The following RBMS3 variants were observed in gnomAD, a reference collection of about 807,000 sequenced individuals.
RBMS3 encodes the protein RNA-binding motif, single-stranded-interacting protein 3.
Under a neutral mutation model 66.8 loss-of-function variants are expected in RBMS3, and 27 were observed. The ratio of observed to expected loss-of-function variants is 0.40; its 90% CI spans 0.30 to 0.56. The LOEUF (loss-of-function observed/expected upper bound fraction) is 0.56, where lower values mean the gene tolerates loss of function less well. Ranked by LOEUF, RBMS3 falls within the 20% of genes least tolerant of loss-of-function variation. The pLI, the probability that RBMS3 is intolerant of heterozygous loss-of-function variation, is 0.40. For synonymous variants in RBMS3, 188 were observed against 183.0 expected (o/e 1.03, Z -0.22); for missense variants, 513 against 549.5 (o/e 0.93, Z 0.66).
At chr3:29,345,447 T>C (rs1300977397) in intron 1 of RBMS3, among the ~76,000 whole-genome samples, 2 of 152,074 alleles carry the variant, frequency 1.3e-5, no homozygotes, top group Non-Finnish European at 2.9e-5. Context: ...TTTCCCCCAC[T>C]CTTTGTCTCT....
intron 1 of RBMS3, among the ~76,000 whole-genome samples, chr3:29,325,672 ACATATG>A (rs2035294870): frequency 3.3e-5 from 5 of 151,832 alleles, no homozygotes; most frequent in Non-Finnish European, 7.4e-5. Context: ...ACATACACAC[ACATATG>A]TATAAATTTG....
At chr3:29,532,327 G>A (rs2045395184) in intron 3 of RBMS3, among the ~76,000 whole-genome samples, 1 of 138,038 alleles carries the variant, frequency 7.2e-6, no homozygotes, top group Admixed American at 7.6e-5. Context: ...TTTTTAAGTT[G>A]GTACGTCCTA....
At chr3:29,880,682 C>A in intron 7 of RBMS3, 3 of 1,177,736 alleles carry the variant, frequency 2.5e-6, no homozygotes, top group South Asian at 1.3e-5. Flanking sequence ...GGGTTAAGTT[C>A]AAACAACCCT....
At chr3:29,884,512 G>A (rs1577067220) in intron 8 of RBMS3, among the ~76,000 whole-genome samples, 1 of 127,310 alleles carries the variant, frequency 7.9e-6, no homozygotes, top group African/African-American at 3.1e-5. Flanking sequence ...TCTGTCTTTG[G>A]AGAACAGGTA....
At chr3:29,334,582 G>C (rs552028612) in intron 1 of RBMS3, among the ~76,000 whole-genome samples, 6 of 152,012 alleles carry the variant, frequency 3.9e-5, no homozygotes, top group Non-Finnish European at 8.8e-5. Context: ...AAAGATAAAA[G>C]TCTGACACAC....
At chr3:29,492,430 A>C (rs2043584397) in intron 3 of RBMS3, among the ~76,000 whole-genome samples, 1 of 152,172 alleles carries the variant, frequency 6.6e-6, no homozygotes, top group Admixed American at 6.5e-5. Flanking sequence ...GGTTCAAGGA[A>C]CTGATAAGAA....
At position 29,289,048 on chromosome 3, in the gene RBMS3, T is replaced by C. The variant is rs181382380; in HGVS notation, c.75+7292T>C. 2.0e-5 allele frequency among the ~76,000 whole-genome samples: 3 copies of C among 152,116 alleles called. No homozygotes were observed. In the East Asian group the frequency reaches 5.8e-4, roughly 30 times the overall value. On this transcript the variant is annotated intron_variant, in intron 1 of 14. Coordinates refer to ENST00000383767, the MANE Select transcript of RBMS3 (RefSeq NM_001003793.3). ...CATACATTATTTTCATATAACTTAG[T>C]CCATAAGTTCCTATTATGCTTGCTT...
chr3:29,696,924 C>A (rs1206579668), intron 4 of RBMS3: 2 of 981,598 alleles, frequency 2.0e-6, no homozygotes, highest in Admixed American at 6.2e-5. Context: ...TAAAATGTCT[C>A]CCCTGGTCGT....
intron 6 of RBMS3, among the ~76,000 whole-genome samples, chr3:29,840,208 T>C (rs2058627792): frequency 1.3e-5 from 2 of 152,048 alleles, no homozygotes; most frequent in Admixed American, 6.6e-5. Context: ...CTTATGATTA[T>C]CAAGAACACC....
chr3:29,698,624 T>C (rs548055926), intron 4 of RBMS3: 1 of 977,316 alleles, frequency 1.0e-6, no homozygotes, highest in African/African-American at 1.8e-5. Flanking sequence ...GACAAGTGAG[T>C]ACAATCATAT....
At chr3:29,455,792 A>G (rs1037037078) in intron 2 of RBMS3, among the ~76,000 whole-genome samples, 6 of 151,494 alleles carry the variant, frequency 4.0e-5, no homozygotes, top group Non-Finnish European at 5.9e-5. Context: ...CAGCAAAATC[A>G]CACACACGCA....
chr3:29,365,049 T>C (rs377764464), intron 1 of RBMS3, among the ~76,000 whole-genome samples: 1 of 152,136 alleles, frequency 6.6e-6, no homozygotes, highest in East Asian at 1.9e-4. Context: ...TGGAATATCG[T>C]ATAAAATTAT....
chr3:29,319,696 T>C (rs1241034168), intron 1 of RBMS3, among the ~76,000 whole-genome samples: 4 of 152,044 alleles, frequency 2.6e-5, no homozygotes, highest in East Asian at 3.9e-4. Flanking sequence ...TAACTTTAGT[T>C]GATCTGTTTC....
chr3:29,315,236 TTTTA>T (rs915879920), intron 1 of RBMS3, among the ~76,000 whole-genome samples: 2 of 151,800 alleles, frequency 1.3e-5, no homozygotes, highest in Non-Finnish European at 2.9e-5. Flanking sequence ...TTTGTCGTAG[TTTTA>T]TTTGTTTCTT....
rs148245733 is a variant in RBMS3, at chr3:29,438,357, T to C, written c.248+3442T>C. On this transcript the variant is annotated intron_variant, in intron 2 of 14. Coordinates refer to ENST00000383767, the MANE Select transcript of RBMS3 (RefSeq NM_001003793.3). The stretch of plus-strand genomic sequence containing the variant: ...ATACACAAAACAGCATATTGTCTTT[T>C]TTTAAAAAGGCATAGACATATTGGA... 2.3e-3 allele frequency among the ~76,000 whole-genome samples: 344 copies of C among 152,296 alleles called. 3 individuals carry two copies. Among genetic ancestry groups the C allele is most frequent in the African/African-American group, 8.0e-3 (334 of 41,570 alleles).
chr3:29,837,457 C>T (rs933595262), intron 6 of RBMS3, among the ~76,000 whole-genome samples: 4 of 151,126 alleles, frequency 2.6e-5, no homozygotes, highest in Non-Finnish European at 4.4e-5. Flanking sequence ...TAAAAGTAGT[C>T]AAACTTCCCA....
intron 1 of RBMS3, among the ~76,000 whole-genome samples, chr3:29,399,468 C>T (rs1575711128): frequency 9.5e-6 from 1 of 105,046 alleles, no homozygotes; most frequent in Non-Finnish European, 2.6e-5. Flanking sequence ...GGTTTATTTG[C>T]CTTTTAGAAA....
chr3:29,423,438 G>C (rs1217459393), intron 1 of RBMS3, among the ~76,000 whole-genome samples: 1 of 152,124 alleles, frequency 6.6e-6, no homozygotes, highest in Non-Finnish European at 1.5e-5. Context: ...GGTTTTATAT[G>C]CCAAAATATA....
At position 29,875,162 on chromosome 3, in the gene RBMS3, T is replaced by C. The variant is rs1577049639; in HGVS notation, c.744+6198T>C. Among the ~76,000 whole-genome samples the C allele has an allele frequency of 9.2e-5, 14 of 152,294 alleles. No homozygotes were observed. The South Asian group carries it at 2.9e-3, about 32-fold the overall frequency. The stretch of plus-strand genomic sequence containing the variant: ...TGGCACCTACCAACTGGGAGATTTC[T>C]GGAGTTGTTGGTAGTGTCCTGGCCA... On this transcript the variant is annotated intron_variant, in intron 7 of 14. Coordinates refer to ENST00000383767, the MANE Select transcript of RBMS3 (RefSeq NM_001003793.3).
Sources: gnomAD v4.1 joint callset for allele counts (sites outside exome capture counted in the v4.1 genomes callset) on GRCh38, gnomAD v4.1.1 for gene constraint, MANE v1.5 for transcripts, NCBI Gene and HGNC (gene_info 2026-07-23, HGNC 2026-07-21) for gene names.